Variants in FMN2 observed in about 807,000 individuals in gnomAD.
FMN2 encodes formin 2, also known as formin-2.
FMN2 carries 51 observed loss-of-function variants against 142.3 expected under a neutral mutation model. The ratio of observed to expected loss-of-function variants is 0.36; its 90% CI spans 0.29 to 0.45. FMN2 has a LOEUF of 0.45. FMN2 is among the 20% of genes least tolerant of loss of function. FMN2 has a pLI of 1.00. For synonymous variants in FMN2, 882 were observed against 869.8 expected (o/e 1.01, Z -0.25); for missense variants, 1,936 against 2,122.8 (o/e 0.91, Z 1.73).
chr1:240,233,367 A>C (rs1667592628), intron 6 of FMN2, among the ~76,000 whole-genome samples: 1 of 150,298 alleles, frequency 6.7e-6, no homozygotes, highest in Non-Finnish European at 1.5e-5. Flanking sequence ...CCTGGGTGAC[A>C]GAGCGAGACT....
intron 14 of FMN2, among the ~76,000 whole-genome samples, chr1:240,362,370 T>C (rs908970030): frequency 1.3e-5 from 2 of 152,214 alleles, no homozygotes; most frequent in African/African-American, 2.4e-5. Flanking sequence ...CAGATGGTCA[T>C]TCAGCATTTA....
intron 7 of FMN2, among the ~76,000 whole-genome samples, chr1:240,258,795 A>G (rs1668533316): frequency 6.6e-6 from 1 of 152,224 alleles, no homozygotes; most frequent in African/African-American, 2.4e-5. Flanking sequence ...GTGTAAATTC[A>G]GAGTGTCCCT....
intron 14 of FMN2, among the ~76,000 whole-genome samples, chr1:240,384,470 A>G (rs934066524): frequency 1.4e-4 from 21 of 151,798 alleles, no homozygotes; most frequent in Admixed American, 4.6e-4. Context: ...TGTCTCCTTT[A>G]TCTTTCTTCT....
chr1:240,423,161 C>G (rs143667682), intron 15 of FMN2, among the ~76,000 whole-genome samples: 31 of 152,208 alleles, frequency 2.0e-4, no homozygotes, highest in African/African-American at 7.5e-4. Context: ...ATGGAGGATC[C>G]CTCAAAGGCT....
chr1:240,239,492 A>AACTCTAGGAGGTCTTTGAAGAATCAGCC (rs1667819652), intron 6 of FMN2, among the ~76,000 whole-genome samples: 1 of 152,220 alleles, frequency 6.6e-6, no homozygotes, highest in Non-Finnish European at 1.5e-5. Flanking sequence ...TTAACTTCCA[A>AACTCTAGGAGGTCTTTGAAGAATCAGCC]ACTCTAGGAG....
intron 2 of FMN2, chr1:240,143,792 G>A (rs1663299665): frequency 2.6e-6 from 4 of 1,509,930 alleles, no homozygotes; most frequent in Non-Finnish European, 3.7e-6. Context: ...TCCATTGCAG[G>A]ACCCCACTGC....
chr1:240,232,269 TTA>T (rs200884054), intron 6 of FMN2, among the ~76,000 whole-genome samples: 1,322 of 105,118 alleles, frequency 0.013, 41 homozygotes, highest in African/African-American at 0.041. Context: ...TTTTTTTTTT[TTA>T]AGTAGAGACA....
At chr1:240,464,830 T>C (rs370638146) in intron 16 of FMN2, among the ~76,000 whole-genome samples, 2 of 152,166 alleles carry the variant, frequency 1.3e-5, no homozygotes, top group East Asian at 3.9e-4. Flanking sequence ...AGCTCAAAGA[T>C]GTTTTTAAAG....
At chr1:240,216,240 T>TA (rs970797095) in intron 6 of FMN2, among the ~76,000 whole-genome samples, 11 of 152,072 alleles carry the variant, frequency 7.2e-5, no homozygotes, top group South Asian at 2.1e-4. Flanking sequence ...TATCCCATGG[T>TA]AAAAAAAAGA....
chr1:240,449,758 A>G (rs1250341648), intron 16 of FMN2, among the ~76,000 whole-genome samples: 2 of 152,218 alleles, frequency 1.3e-5, no homozygotes, highest in East Asian at 1.9e-4. Context: ...ATCATTACAT[A>G]TATATGCTAT....
At chr1:240,309,951 G>C in intron 8 of FMN2, among the ~76,000 whole-genome samples, 1 of 152,152 alleles carries the variant, frequency 6.6e-6, no homozygotes, top group East Asian at 1.9e-4. Context: ...GAAACAAAAA[G>C]TGACATGCAC....
rs183893096 is a variant in FMN2 at position 240,371,000 on chromosome 1, G to A, written c.4858+15092G>A. On this transcript the variant is annotated intron_variant, in intron 14 of 17. Coordinates refer to ENST00000319653, the MANE Select transcript of FMN2 (RefSeq NM_020066.5). ...ATTGCCCAGGCTGGAATACAGTGGC[G>A]GGATCTCAACTCACTGCAACCTCCG... is the stretch of plus-strand genomic sequence containing the variant. Among the ~76,000 whole-genome samples the A allele has an allele frequency of 1.8e-3, 270 of 152,250 alleles. 4 individuals carry two copies. Among genetic ancestry groups the A allele is most frequent in the Admixed American group, 0.014 (221 of 15,294 alleles).
At chr1:240,455,841 G>A (rs1343558062) in intron 16 of FMN2, among the ~76,000 whole-genome samples, 1 of 152,112 alleles carries the variant, frequency 6.6e-6, no homozygotes, top group East Asian at 1.9e-4. Context: ...CAGGCGTGGT[G>A]ACAGGCACCT....
chr1:240,402,763 G>A (rs1674033799), intron 15 of FMN2, among the ~76,000 whole-genome samples: 1 of 152,190 alleles, frequency 6.6e-6, no homozygotes, highest in Non-Finnish European at 1.5e-5. Context: ...GGCAGAGAAT[G>A]TAGAAATTTT....
chr1:240,121,378 T>A (rs946363812), intron 1 of FMN2, among the ~76,000 whole-genome samples: 1 of 142,806 alleles, frequency 7.0e-6, no homozygotes, highest in Admixed American at 7.2e-5. Context: ...TTTTTTTATT[T>A]TTATTTTTTT....
At chr1:240,123,622 T>A (rs532890861) in intron 2 of FMN2, among the ~76,000 whole-genome samples, 1 of 152,302 alleles carries the variant, frequency 6.6e-6, no homozygotes, top group East Asian at 1.9e-4. Context: ...TCAACGATGA[T>A]TTTAAAAATT....
Position 240,091,897 on chromosome 1 carries a change from A to G in FMN2, c.-213A>G, listed in dbSNP as rs1660978344. 2.7e-6 allele frequency: 2 copies of G among 752,990 alleles called. No individual in the cohort carries two copies. Among genetic ancestry groups the G allele is most frequent in the South Asian group, 3.0e-5 (1 of 33,438 alleles). 46.6% of individuals were successfully genotyped at this position (752,990 alleles called of 1,614,324 possible). A position where few individuals can be genotyped will look rare whatever the true frequency, so the allele number is the denominator to read the frequency against. Reference sequence around the variant, plus strand: ...GGCCCCTAGCCGCAGCCGCAGCCGCAGCGACGGCAGCCACGGGAGCCGCCG... The same window carrying G: ...GGCCCCTAGCCGCAGCCGCAGCCGCGGCGACGGCAGCCACGGGAGCCGCCG... On this transcript the variant is annotated 5_prime_UTR_variant, in exon 1 of 18. Coordinates refer to ENST00000319653, the MANE Select transcript of FMN2 (RefSeq NM_020066.5).
At chr1:240,235,535 C>T (rs925749633) in intron 6 of FMN2, among the ~76,000 whole-genome samples, 4 of 151,876 alleles carry the variant, frequency 2.6e-5, no homozygotes, top group Non-Finnish European at 5.9e-5. Flanking sequence ...CCTCAGCCTC[C>T]CAAGTATCTG....
intron 15 of FMN2, among the ~76,000 whole-genome samples, chr1:240,413,898 C>T (rs112753150): frequency 6.6e-6 from 1 of 152,184 alleles, no homozygotes; most frequent in Non-Finnish European, 1.5e-5. Flanking sequence ...GCTCCTTGCT[C>T]ACTCTTATAA....
Sources: gnomAD v4.1 joint callset for allele counts (sites outside exome capture counted in the v4.1 genomes callset) on GRCh38, gnomAD v4.1.1 for gene constraint, MANE v1.5 for transcripts, NCBI Gene and HGNC (gene_info 2026-07-23, HGNC 2026-07-21) for gene names.